PTPRT: variants seen among roughly 807,000 people sequenced by gnomAD.
The protein encoded by PTPRT is receptor-type tyrosine-protein phosphatase T.
Under a neutral mutation model 176.8 loss-of-function variants are expected in PTPRT, and 56 were observed. That is an observed-to-expected ratio of 0.32 (90% confidence interval 0.26 to 0.40). PTPRT has a LOEUF of 0.40. Ranked by LOEUF, PTPRT falls within the 10% of genes least tolerant of loss-of-function variation. PTPRT has a pLI of 1.00. For synonymous variants in PTPRT, 783 were observed against 739.0 expected (o/e 1.06, Z -0.96); for missense variants, 1,540 against 1,908.2 (o/e 0.81, Z 3.60).
At chr20:42,037,123 C>T in the PTPRT span, among the ~76,000 whole-genome samples, 2 of 152,186 alleles carry the variant, frequency 1.3e-5, no homozygotes, top group Non-Finnish European at 2.9e-5. Flanking sequence ...TCAATTGTTA[C>T]TACTTACAAA....
chr20:43,069,930 C>T (rs2011158221), intron 1 of PTPRT, among the ~76,000 whole-genome samples: 1 of 152,080 alleles, frequency 6.6e-6, no homozygotes, highest in African/African-American at 2.4e-5. Context: ...AAACCAAGCC[C>T]ACGGGCTCCT....
intron 9 of PTPRT, among the ~76,000 whole-genome samples, chr20:42,380,039 T>C (rs369812753): frequency 7.2e-5 from 11 of 152,228 alleles, no homozygotes; most frequent in African/African-American, 2.2e-4. Flanking sequence ...ATGAGTTCGA[T>C]AGTCAATCCT....
chr20:43,133,128 G>A (rs2013700349), intron 1 of PTPRT, among the ~76,000 whole-genome samples: 1 of 152,162 alleles, frequency 6.6e-6, no homozygotes, highest in Non-Finnish European at 1.5e-5. Flanking sequence ...TTCTGGAAAT[G>A]TTCTATATCT....
chr20:42,451,264 G>A (rs544950892), intron 8 of PTPRT, among the ~76,000 whole-genome samples: 8 of 152,154 alleles, frequency 5.3e-5, no homozygotes, highest in Non-Finnish European at 1.2e-4. Context: ...GTGTCATGGA[G>A]AACTGCAACC....
chr20:43,018,659 G>A (rs1985492876), intron 1 of PTPRT, among the ~76,000 whole-genome samples: 1 of 152,140 alleles, frequency 6.6e-6, no homozygotes, highest in Admixed American at 6.5e-5. Context: ...CAACCAAAAA[G>A]TCAAATAACT....
chr20:43,089,755 C>T lies in PTPRT; in HGVS notation c.88+99891G>A, dbSNP rs181821980. Among the ~76,000 whole-genome samples the T allele has an allele frequency of 2.0e-5, 3 of 152,290 alleles. No individual in the cohort carries two copies. The East Asian group carries it at 5.8e-4, about 29-fold the overall frequency. Reference sequence around the variant, plus strand: ...GTGAAGGCTGTCTGCAGGAAGAGTCCATGGGCTGGCCTCCCCCAGTCTACT... The same window carrying T: ...GTGAAGGCTGTCTGCAGGAAGAGTCTATGGGCTGGCCTCCCCCAGTCTACT... On this transcript the variant is annotated intron_variant, in intron 1 of 30. Transcript: ENST00000373187.
At chr20:42,770,804 A>G (rs566516445) in intron 5 of PTPRT, among the ~76,000 whole-genome samples, 5 of 152,326 alleles carry the variant, frequency 3.3e-5, no homozygotes, top group African/African-American at 1.2e-4. Flanking sequence ...AAAGTTTGTT[A>G]GAGGGTAGTT....
At chr20:43,184,655 C>A (rs999959901) in intron 1 of PTPRT, among the ~76,000 whole-genome samples, 2 of 152,008 alleles carry the variant, frequency 1.3e-5, no homozygotes. Flanking sequence ...CCACCGTGCT[C>A]CAGCCCGGCG....
At chr20:42,253,242 G>A (rs1290643281) in intron 13 of PTPRT, among the ~76,000 whole-genome samples, 1 of 152,152 alleles carries the variant, frequency 6.6e-6, no homozygotes, top group African/African-American at 2.4e-5. Context: ...TCATAAAAAA[G>A]CACATCAGGG....
chr20:42,881,226 A>C (rs1367007837), intron 2 of PTPRT, among the ~76,000 whole-genome samples: 1 of 152,198 alleles, frequency 6.6e-6, no homozygotes, highest in Non-Finnish European at 1.5e-5. Context: ...CCCCAAGATA[A>C]AGATGTGGAA....
the PTPRT span, among the ~76,000 whole-genome samples, chr20:42,066,245 T>C: frequency 8.5e-4 from 129 of 152,220 alleles, 3 homozygotes; most frequent in South Asian, 0.015. Context: ...TTTCACCATG[T>C]TGACCAGGCT....
At chr20:42,555,049 G>A (rs1039529406) in intron 7 of PTPRT, among the ~76,000 whole-genome samples, 5 of 152,128 alleles carry the variant, frequency 3.3e-5, no homozygotes, top group Admixed American at 6.5e-5. Context: ...ACAGAGACAG[G>A]TGAATTCTTG....
chr20:42,427,454 C>A (rs747492872), intron 9 of PTPRT, among the ~76,000 whole-genome samples: 2 of 152,138 alleles, frequency 1.3e-5, no homozygotes, highest in African/African-American at 4.8e-5. Context: ...GGGAAATCCA[C>A]GATCAAGGTG....
chr20:42,532,966 C>A (rs1478202201), intron 7 of PTPRT, among the ~76,000 whole-genome samples: 2 of 152,170 alleles, frequency 1.3e-5, no homozygotes, highest in African/African-American at 4.8e-5. Flanking sequence ...CAAATCCCCA[C>A]TCTTAATGCA....
At chr20:42,156,587 C>A (rs1989364863) in intron 17 of PTPRT, among the ~76,000 whole-genome samples, 1 of 152,210 alleles carries the variant, frequency 6.6e-6, no homozygotes, top group Non-Finnish European at 1.5e-5. Flanking sequence ...ATGGACATTG[C>A]AAACTCAATT....
intron 7 of PTPRT, among the ~76,000 whole-genome samples, chr20:42,648,844 A>G (rs2074972591): frequency 1.1e-5 from 1 of 92,480 alleles, no homozygotes; most frequent in Non-Finnish European, 1.9e-5. Flanking sequence ...TTTTTGACAG[A>G]GTCTGGCTCT....
chr20:42,342,773 T>C (rs1600860500), intron 11 of PTPRT, among the ~76,000 whole-genome samples: 1 of 152,342 alleles, frequency 6.6e-6, no homozygotes, highest in East Asian at 1.9e-4. Context: ...CACTCTGGGC[T>C]TCACAGTTAT....
intron 7 of PTPRT, among the ~76,000 whole-genome samples, 198 bp from the exon 8 acceptor site, chr20:42,472,760 T>C (rs904992519): frequency 6.6e-6 from 1 of 152,210 alleles, no homozygotes; most frequent in Non-Finnish European, 1.5e-5. Context: ...CTTATTTAAA[T>C]ACATGCATCT....
chr20:42,387,555 C>T (rs1212077971), intron 9 of PTPRT, among the ~76,000 whole-genome samples: 4 of 152,054 alleles, frequency 2.6e-5, no homozygotes, highest in Non-Finnish European at 4.4e-5. Context: ...TTTGAAAATC[C>T]GTATCCACAA....
Sources: gnomAD v4.1 joint callset for allele counts (sites outside exome capture counted in the v4.1 genomes callset) on GRCh38, gnomAD v4.1.1 for gene constraint, MANE v1.5 for transcripts, NCBI Gene and HGNC (gene_info 2026-07-23, HGNC 2026-07-21) for gene names.